RETREG1: variants seen among roughly 807,000 people sequenced by gnomAD.
The protein encoded by RETREG1 is reticulophagy regulator 1.
Under a neutral mutation model 54.8 loss-of-function variants are expected in RETREG1, and 44 were observed. The ratio of observed to expected loss-of-function variants is 0.80; its 90% CI spans 0.63 to 1.03. The LOEUF (loss-of-function observed/expected upper bound fraction) is 1.03, where lower values mean the gene tolerates loss of function less well. RETREG1 is among the 50% of genes least tolerant of loss of function. RETREG1 has a pLI of 0.00. For missense variants in RETREG1, 554 were observed against 605.1 expected (o/e 0.92, Z 0.89); for synonymous variants, 217 against 238.5 (o/e 0.91, Z 0.83).
chr5:16,592,727 AAT>A (rs1424248178), intron 1 of RETREG1, among the ~76,000 whole-genome samples: 1 of 145,670 alleles, frequency 6.9e-6, no homozygotes, highest in East Asian at 2.0e-4. Flanking sequence ...TAAAAAAAAA[AAT>A]CATGTCCGGT....
At chr5:16,507,766 T>G (rs1000851745) in intron 3 of RETREG1, among the ~76,000 whole-genome samples, 3 of 152,238 alleles carry the variant, frequency 2.0e-5, no homozygotes, top group Non-Finnish European at 4.4e-5. Context: ...TTGGTGCCCT[T>G]GTTCCTAGAG....
intron 3 of RETREG1, among the ~76,000 whole-genome samples, chr5:16,553,016 G>A (rs1741586787): frequency 1.3e-5 from 2 of 152,196 alleles, no homozygotes; most frequent in African/African-American, 2.4e-5. Context: ...TTCCATGCTA[G>A]GTGTCACAGC....
At chr5:16,504,163 T>C (rs1739847359) in intron 3 of RETREG1, among the ~76,000 whole-genome samples, 1 of 152,234 alleles carries the variant, frequency 6.6e-6, no homozygotes, top group Non-Finnish European at 1.5e-5. Context: ...CGTTTGGTTT[T>C]CTGTTCCTGC....
At chr5:16,556,952 C>T (rs1018197353) in intron 3 of RETREG1, among the ~76,000 whole-genome samples, 8 of 152,214 alleles carry the variant, frequency 5.3e-5, no homozygotes, top group Non-Finnish European at 1.2e-4. Context: ...GCCTCAGCCT[C>T]CCAAGTAGCT....
At chr5:16,510,905 G>A (rs1740154741) in intron 3 of RETREG1, among the ~76,000 whole-genome samples, 2 of 148,400 alleles carry the variant, frequency 1.3e-5, no homozygotes, top group Admixed American at 1.3e-4. Context: ...TCTAACCCAT[G>A]AATTTTACCT....
At chr5:16,554,914 T>C (rs1239898223) in intron 3 of RETREG1, among the ~76,000 whole-genome samples, 1 of 152,156 alleles carries the variant, frequency 6.6e-6, no homozygotes, top group East Asian at 1.9e-4. Context: ...TAAAAGCTCT[T>C]CATACAGACG....
At chr5:16,604,262 A>G (rs2126364550) in intron 1 of RETREG1, among the ~76,000 whole-genome samples, 1 of 152,214 alleles carries the variant, frequency 6.6e-6, no homozygotes, top group East Asian at 1.9e-4. Flanking sequence ...CGGAATCCCC[A>G]TTCTGCCAAA....
intron 4 of RETREG1, 145 bp downstream of exon 4, chr5:16,483,201 T>G (rs17540484): frequency 0.028 from 25,608 of 916,102 alleles, 505 homozygotes; most frequent in Non-Finnish European, 0.035. Context: ...CATCTGAACC[T>G]TGCTGATACC....
intron 3 of RETREG1, among the ~76,000 whole-genome samples, chr5:16,501,957 A>C (rs1342394496): frequency 6.9e-6 from 1 of 145,510 alleles, no homozygotes; most frequent in Non-Finnish European, 1.5e-5. Context: ...TAATTAAGTA[A>C]GCTTTTTTTT....
At chr5:16,552,825 G>A (rs1741581647) in intron 3 of RETREG1, among the ~76,000 whole-genome samples, 1 of 152,198 alleles carries the variant, frequency 6.6e-6, no homozygotes, top group South Asian at 2.1e-4. Context: ...GCTGGAATGT[G>A]TAGGTACTAA....
intron 3 of RETREG1, among the ~76,000 whole-genome samples, chr5:16,540,048 G>A (rs1461297447): frequency 1.3e-5 from 2 of 152,128 alleles, no homozygotes; most frequent in African/African-American, 4.8e-5. Flanking sequence ...TTTCTGGTTA[G>A]GACAAAGGGT....
intron 1 of RETREG1, among the ~76,000 whole-genome samples, chr5:16,592,945 T>C (rs992916647): frequency 7.9e-5 from 12 of 152,124 alleles, no homozygotes; most frequent in African/African-American, 2.7e-4. Context: ...TATTGGGTAC[T>C]AGGCTCAGTA....
intron 3 of RETREG1, among the ~76,000 whole-genome samples, chr5:16,512,609 C>T (rs1174519978): frequency 1.3e-5 from 2 of 151,748 alleles, no homozygotes; most frequent in Non-Finnish European, 2.9e-5. Context: ...TCCTCTACAG[C>T]TGCTTTGATT....
chr5:16,590,837 A>G (rs1742745785), intron 1 of RETREG1, among the ~76,000 whole-genome samples: 1 of 115,464 alleles, frequency 8.7e-6, no homozygotes, highest in African/African-American at 3.3e-5. Flanking sequence ...CACACATGCA[A>G]ACACACATGC....
chr5:16,576,294 CTTTTT>C (rs70940380), intron 1 of RETREG1, among the ~76,000 whole-genome samples: 5 of 125,834 alleles, frequency 4.0e-5, no homozygotes, highest in Non-Finnish European at 5.0e-5. Flanking sequence ...TTTTCTTTTT[CTTTTT>C]TTTTTTTTTT....
chr5:16,602,437 G>A (rs1188803077), intron 1 of RETREG1, among the ~76,000 whole-genome samples: 1 of 152,128 alleles, frequency 6.6e-6, no homozygotes, highest in Non-Finnish European at 1.5e-5. Flanking sequence ...ACTAAGAGGC[G>A]AGTTCCTGGG....
At chr5:16,540,442 G>A (rs1316262498) in intron 3 of RETREG1, among the ~76,000 whole-genome samples, 1 of 152,158 alleles carries the variant, frequency 6.6e-6, no homozygotes, top group South Asian at 2.1e-4. Context: ...TTTCCACCAT[G>A]AATTCAGTTA....
intron 3 of RETREG1, among the ~76,000 whole-genome samples, chr5:16,558,502 T>G (rs532912710): frequency 6.6e-6 from 1 of 152,336 alleles, no homozygotes; most frequent in Non-Finnish European, 1.5e-5. Context: ...CAACAATGTA[T>G]CCTTCACAGC....
At chr5:16,504,940 T>C (rs1739889890) in intron 3 of RETREG1, among the ~76,000 whole-genome samples, 2 of 152,198 alleles carry the variant, frequency 1.3e-5, no homozygotes. Context: ...CAATGTAAAA[T>C]TAAGCCTAAA....
Sources: gnomAD v4.1 joint callset for allele counts (sites outside exome capture counted in the v4.1 genomes callset) on GRCh38, gnomAD v4.1.1 for gene constraint, MANE v1.5 for transcripts, NCBI Gene and HGNC (gene_info 2026-07-23, HGNC 2026-07-21) for gene names.